Variants in NCKAP5 observed in about 807,000 individuals in gnomAD.
NCKAP5 encodes NCK associated protein 5.
NCKAP5 carries 92 observed loss-of-function variants against 167.0 expected under a neutral mutation model. That is an observed-to-expected ratio of 0.55 (90% CI 0.47 to 0.66). The LOEUF (loss-of-function observed/expected upper bound fraction) is 0.66, where lower values mean the gene tolerates loss of function less well. Ranked by LOEUF, NCKAP5 falls within the 30% of genes least tolerant of loss-of-function variation. The pLI, the probability that NCKAP5 is intolerant of heterozygous loss-of-function variation, is 0.00. For synonymous variants in NCKAP5, 891 were observed against 877.4 expected (o/e 1.02, Z -0.27); for missense variants, 2,378 against 2,315.0 (o/e 1.03, Z -0.56).
At chr2:133,049,405 C>T (rs1208123162) in intron 6 of NCKAP5, among the ~76,000 whole-genome samples, 2 of 151,956 alleles carry the variant, frequency 1.3e-5, no homozygotes, top group South Asian at 2.1e-4. Context: ...ATTAGCCAGG[C>T]GTGGTGGCAG....
At chr2:133,068,454 C>A (rs1047189467) in intron 6 of NCKAP5, among the ~76,000 whole-genome samples, 3 of 152,146 alleles carry the variant, frequency 2.0e-5, no homozygotes, top group African/African-American at 7.2e-5. Context: ...CTGGCAGAGA[C>A]ATGAACAAAG....
rs76022054 is a variant in NCKAP5 at position 133,321,874 on chromosome 2, T to C, written c.70-18764A>G. Among the ~76,000 whole-genome samples the C allele has an allele frequency of 4.2e-3, 647 of 152,308 alleles. 6 individuals are homozygous for C. The highest frequency in any genetic ancestry group is 0.015 in the African/African-American group (608 of 41,556). On this transcript the variant is annotated intron_variant, in intron 3 of 19. Coordinates refer to ENST00000409261, the MANE Select transcript of NCKAP5 (RefSeq NM_207363.3). ...ACACAAACAGGATAGCCAGATGAAC[T>C]CTTAATTCCAAAACAATATCAATTG...
At chr2:133,045,144 G>A (rs1241633035) in intron 6 of NCKAP5, among the ~76,000 whole-genome samples, 3 of 151,914 alleles carry the variant, frequency 2.0e-5, no homozygotes, top group South Asian at 4.2e-4. Context: ...AGCACTGTTT[G>A]TAAGAGCCAC....
At chr2:132,721,522 C>T (rs72844765) in intron 19 of NCKAP5, among the ~76,000 whole-genome samples, 16,289 of 152,074 alleles carry the variant, frequency 0.11, 1,007 homozygotes, top group East Asian at 0.14. Flanking sequence ...GCACGTGCGA[C>T]GAAAGCAAGG....
intron 3 of NCKAP5, among the ~76,000 whole-genome samples, chr2:133,308,686 ATTCTTTTT>A (rs1559371100): frequency 3.4e-5 from 4 of 118,826 alleles, no homozygotes; most frequent in East Asian, 2.4e-4. Flanking sequence ...AAGAAATACA[ATTCTTTTT>A]TTTTTTTTTT....
At chr2:133,160,986 G>A (rs1454302093) in intron 5 of NCKAP5, among the ~76,000 whole-genome samples, 12 of 152,054 alleles carry the variant, frequency 7.9e-5, no homozygotes, top group Admixed American at 3.3e-4. Context: ...GTTAGGAATG[G>A]GGCCACACAG....
At chr2:133,184,797 C>A (rs906588291) in intron 5 of NCKAP5, among the ~76,000 whole-genome samples, 1 of 152,000 alleles carries the variant, frequency 6.6e-6, no homozygotes, top group Non-Finnish European at 1.5e-5. Context: ...TCTTTGCCCA[C>A]TTTTTAAGGG....
At chr2:133,225,844 G>A (rs543244283) in intron 4 of NCKAP5, among the ~76,000 whole-genome samples, 5 of 141,192 alleles carry the variant, frequency 3.5e-5, no homozygotes, top group Non-Finnish European at 7.6e-5. Context: ...GTTCAGTGGC[G>A]CGATCTCGGC....
At chr2:133,139,521 C>T (rs192297770) in intron 5 of NCKAP5, among the ~76,000 whole-genome samples, 28 of 152,224 alleles carry the variant, frequency 1.8e-4, no homozygotes, top group African/African-American at 6.5e-4. Context: ...TTGCACATTA[C>T]ACAATTAGGA....
the NCKAP5 span, among the ~76,000 whole-genome samples, chr2:133,646,923 A>G: frequency 1.0e-3 from 152 of 152,300 alleles, no homozygotes; most frequent in Non-Finnish European, 1.8e-3. Flanking sequence ...TTTTATAACT[A>G]TAATATATTT....
chr2:132,949,880 G>T (rs1269381274), intron 8 of NCKAP5, among the ~76,000 whole-genome samples: 1 of 152,264 alleles, frequency 6.6e-6, no homozygotes, highest in Non-Finnish European at 1.5e-5. Context: ...GATCACTTGA[G>T]GTCAGGAGTT....
At chr2:133,052,269 C>T (rs2079631391) in intron 6 of NCKAP5, among the ~76,000 whole-genome samples, 1 of 152,208 alleles carries the variant, frequency 6.6e-6, no homozygotes, top group Non-Finnish European at 1.5e-5. Context: ...CGTAACAGAA[C>T]TCATACTCTG....
chr2:133,306,796 TG>T (rs1680809886), intron 3 of NCKAP5, among the ~76,000 whole-genome samples: 1 of 152,194 alleles, frequency 6.6e-6, no homozygotes, highest in Non-Finnish European at 1.5e-5. Context: ...TTCATACAGA[TG>T]AAAGTCTATT....
chr2:132,902,751 A>T (rs1202227631), intron 8 of NCKAP5, among the ~76,000 whole-genome samples: 1 of 152,200 alleles, frequency 6.6e-6, no homozygotes, highest in Non-Finnish European at 1.5e-5. Context: ...ATTGATGGGG[A>T]ATTCATCATG....
intron 13 of NCKAP5, among the ~76,000 whole-genome samples, chr2:132,786,024 G>T (rs2105074620): frequency 6.6e-6 from 1 of 152,370 alleles, no homozygotes; most frequent in Non-Finnish European, 1.5e-5. Context: ...GGAGAAAATG[G>T]GAAGTGCAAA....
intron 4 of NCKAP5, chr2:133,264,900 C>CA (rs958487466): frequency 2.6e-5 from 4 of 152,040 alleles, no homozygotes; most frequent in African/African-American, 9.7e-5. Context: ...AAACAGAAAA[C>CA]AAAAAACAAA....
Position 133,482,330 on chromosome 2 carries a change from G to T in NCKAP5, c.69+35128C>A, listed in dbSNP as rs185268985. Among the ~76,000 whole-genome samples, 10 of 151,508 alleles carry T rather than the reference G, an allele frequency of 6.6e-5. No individual in the cohort carries two copies. The East Asian group carries it at 1.9e-3, about 29-fold the overall frequency. On this transcript the variant is annotated intron_variant, in intron 3 of 19. Transcript: ENST00000409261. ...CCTCTTGGGATCAAGCAATTCTCCT[G>T]CCTCAGCTTCCCGAGTAACTGGGAC... is the stretch of plus-strand genomic sequence containing the variant.
chr2:132,791,609 T>C (rs1684074235), intron 12 of NCKAP5, among the ~76,000 whole-genome samples: 2 of 152,236 alleles, frequency 1.3e-5, no homozygotes, highest in African/African-American at 4.8e-5. Flanking sequence ...AGAAACTCTT[T>C]GATGGTAAGC....
intron 3 of NCKAP5, among the ~76,000 whole-genome samples, chr2:133,514,096 C>T (rs1329663080): frequency 1.3e-5 from 2 of 152,142 alleles, no homozygotes; most frequent in Non-Finnish European, 2.9e-5. Flanking sequence ...TGATTTTTAT[C>T]GTTATCAGAG....
Sources: gnomAD v4.1 joint callset for allele counts (sites outside exome capture counted in the v4.1 genomes callset) on GRCh38, gnomAD v4.1.1 for gene constraint, MANE v1.5 for transcripts, NCBI Gene and HGNC (gene_info 2026-07-23, HGNC 2026-07-21) for gene names.